Variants in CNTNAP2 observed in about 807,000 individuals in gnomAD.
The protein encoded by CNTNAP2 is contactin associated protein 2, also known as contactin-associated protein-like 2.
CNTNAP2 carries 98 observed loss-of-function variants against 155.2 expected under a neutral mutation model. The observed-to-expected ratio is 0.63, with a 90% CI of 0.54 to 0.75. The LOEUF is 0.75. Among genes scored for constraint, CNTNAP2 ranks in the 30% least tolerant of loss-of-function variants. The pLI is 0.00. For synonymous variants in CNTNAP2, 651 were observed against 631.2 expected (o/e 1.03, Z -0.47); for missense variants, 1,727 against 1,688.1 (o/e 1.02, Z -0.40).
intron 1 of CNTNAP2, among the ~76,000 whole-genome samples, chr7:146,134,318 A>G (rs1381276507): frequency 6.9e-6 from 1 of 144,086 alleles, no homozygotes; most frequent in Admixed American, 7.0e-5. Flanking sequence ...GGGCTGAGAC[A>G]ATGGGGTTTT....
intron 4 of CNTNAP2, among the ~76,000 whole-genome samples, chr7:147,062,385 G>C (rs1181456120): frequency 1.3e-5 from 2 of 151,798 alleles, no homozygotes; most frequent in African/African-American, 4.8e-5. Context: ...TTTTAGTTTA[G>C]AGCAGAGTAT....
At chr7:147,322,101 A>G (rs768466834) in intron 9 of CNTNAP2, among the ~76,000 whole-genome samples, 1 of 152,208 alleles carries the variant, frequency 6.6e-6, no homozygotes, top group Non-Finnish European at 1.5e-5. Flanking sequence ...GCCAGATATT[A>G]CATCCAAGTT....
At chr7:147,581,973 G>A (rs10250480) in intron 12 of CNTNAP2, among the ~76,000 whole-genome samples, 104,949 of 152,006 alleles carry the variant, frequency 0.69, 36,802 homozygotes, top group African/African-American at 0.81. Context: ...TGTGCTGTAA[G>A]ATATGAACAA....
At chr7:147,606,546 A>G (rs1233860014) in intron 12 of CNTNAP2, among the ~76,000 whole-genome samples, 1 of 152,146 alleles carries the variant, frequency 6.6e-6, no homozygotes, top group African/African-American at 2.4e-5. Context: ...TTTATTCTTA[A>G]TTTTATTTCA....
chr7:147,984,462 A>C (rs1801583170), intron 15 of CNTNAP2, among the ~76,000 whole-genome samples: 1 of 152,230 alleles, frequency 6.6e-6, no homozygotes, highest in African/African-American at 2.4e-5. Context: ...AATAAGTTTC[A>C]GAGTTCAGAC....
intron 1 of CNTNAP2, among the ~76,000 whole-genome samples, chr7:146,380,784 C>CTTTTTTTTTTTTTTTTTTT (rs56886106): frequency 7.7e-5 from 3 of 38,820 alleles, no homozygotes; most frequent in African/African-American, 2.3e-4. Flanking sequence ...TATGCACGTT[C>CTTTTTTTTTTTTTTTTTTT]TTTTTTTTTT....
At chr7:147,065,804 T>C (rs186588501) in intron 4 of CNTNAP2, among the ~76,000 whole-genome samples, 1 of 152,282 alleles carries the variant, frequency 6.6e-6, no homozygotes, top group East Asian at 1.9e-4. Context: ...AAGTTGATTG[T>C]TAGAAGTAGA....
At chr7:146,918,841 A>G (rs1796445336) in intron 3 of CNTNAP2, among the ~76,000 whole-genome samples, 2 of 152,196 alleles carry the variant, frequency 1.3e-5, no homozygotes, top group Admixed American at 1.3e-4. Context: ...GTCATTTACC[A>G]TAATTGCAAA....
intron 4 of CNTNAP2, chr7:147,085,678 T>A (rs1003185146): frequency 6.6e-6 from 1 of 152,202 alleles, no homozygotes; most frequent in Non-Finnish European, 1.5e-5. Context: ...GTGTAAACAT[T>A]TTACTGTGTG....
intron 1 of CNTNAP2, among the ~76,000 whole-genome samples, chr7:146,747,337 A>G (rs1482372209): frequency 6.6e-6 from 1 of 152,196 alleles, no homozygotes; most frequent in Non-Finnish European, 1.5e-5. Context: ...ATGGCGTAGA[A>G]TTTAGTCTTC....
chr7:146,615,426 C>A (rs1047173709), intron 1 of CNTNAP2, among the ~76,000 whole-genome samples: 4 of 152,176 alleles, frequency 2.6e-5, no homozygotes, highest in Admixed American at 1.3e-4. Flanking sequence ...CAAGACATTT[C>A]TTCCTGTGAA....
At chr7:147,933,499 A>AGATAGATAGAT (rs1800545550) in intron 14 of CNTNAP2, among the ~76,000 whole-genome samples, 1 of 67,672 alleles carries the variant, frequency 1.5e-5, no homozygotes, top group African/African-American at 3.8e-5. Flanking sequence ...AATGTGAGAT[A>AGATAGATAGAT]GATAGATAGA....
At chr7:147,760,220 C>T (rs1272323322) in intron 13 of CNTNAP2, among the ~76,000 whole-genome samples, 1 of 149,350 alleles carries the variant, frequency 6.7e-6, no homozygotes, top group Non-Finnish European at 1.5e-5. Context: ...TCCTTATCTA[C>T]TATGGTAAAA....
At chr7:146,840,702 T>G (rs1488456721) in intron 3 of CNTNAP2, among the ~76,000 whole-genome samples, 1 of 152,116 alleles carries the variant, frequency 6.6e-6, no homozygotes, top group African/African-American at 2.4e-5. Context: ...ACAGTATTAG[T>G]TGGAGTGCTG....
At position 148,409,559 on chromosome 7, in the gene CNTNAP2, G is replaced by A. The variant is rs117098826; in HGVS notation, c.3796+88G>A. 0.058 allele frequency: 64,670 copies of A among 1,111,858 alleles called. 2,175 individuals are homozygous for A. The highest frequency in any genetic ancestry group is 0.074 in the Non-Finnish European group (54,135 of 729,858). 68.9% of individuals were successfully genotyped at this position (1,111,858 alleles called of 1,614,324 possible). Reference sequence around the variant, plus strand: ...ATAACATAGTAGTCTAGGAAAAAAAGTTTTCTAGGTTTTTACATTATTCAT... The same window carrying A: ...ATAACATAGTAGTCTAGGAAAAAAAATTTTCTAGGTTTTTACATTATTCAT... On this transcript the variant is annotated intron_variant, in intron 23 of 23. Transcript: ENST00000361727.
chr7:148,329,646 G>A lies in CNTNAP2; in HGVS notation c.3476-54003G>A, dbSNP rs1797951411. On this transcript the variant is annotated intron_variant, in intron 21 of 23. Transcript: ENST00000361727. The stretch of plus-strand genomic sequence containing the variant: ...TGGAAGGGGAAGGTCTTGAGGAGAG[G>A]CTCCTGGTAGGTTTTTTCTGATCAA... Among the ~76,000 whole-genome samples the A allele has an allele frequency of 3.3e-5, 5 of 152,320 alleles. No homozygotes were observed. In the South Asian group the frequency reaches 1.0e-3, roughly 32 times the overall value.
At chr7:146,989,306 ATGTCC>A (rs1798168515) in intron 3 of CNTNAP2, among the ~76,000 whole-genome samples, 1 of 152,110 alleles carries the variant, frequency 6.6e-6, no homozygotes, top group African/African-American at 2.4e-5. Context: ...TAAATCTAGG[ATGTCC>A]CTTCAGTACT....
At chr7:146,309,831 A>G (rs908001996) in intron 1 of CNTNAP2, among the ~76,000 whole-genome samples, 4 of 141,436 alleles carry the variant, frequency 2.8e-5, no homozygotes, top group African/African-American at 1.2e-4. Flanking sequence ...AAGAAAGGAA[A>G]GGAAGGAAGG....
chr7:147,482,720 CAATAAATAAATAAATA>C (rs71527814), intron 10 of CNTNAP2, among the ~76,000 whole-genome samples: 7 of 138,312 alleles, frequency 5.1e-5, no homozygotes, highest in Admixed American at 7.3e-5. Flanking sequence ...GATTCCGTCT[CAATAAATAAATAAATA>C]AATAAATAAA....
Sources: allele counts gnomAD v4.1 joint callset (sites outside exome capture counted in the v4.1 genomes callset), GRCh38; gene constraint gnomAD v4.1.1; transcripts MANE v1.5; gene names NCBI Gene and HGNC (gene_info 2026-07-23, HGNC 2026-07-21).